The following FNIP1 variants were observed in gnomAD, a reference collection of about 807,000 sequenced individuals.
FNIP1 encodes folliculin-interacting protein 1.
Under a neutral mutation model 124.5 loss-of-function variants are expected in FNIP1, and 40 were observed. The ratio of observed to expected loss-of-function variants is 0.32; its 90% confidence interval spans 0.25 to 0.42. FNIP1 has a LOEUF of 0.42. Ranked by LOEUF, FNIP1 falls within the 10% of genes least tolerant of loss-of-function variation. The pLI, the probability that FNIP1 is intolerant of heterozygous loss-of-function variation, is 1.00. For synonymous variants in FNIP1, 472 were observed against 470.6 expected, an observed-to-expected ratio of 1.00 and a Z score of -0.04; for missense variants, 1,176 against 1,403.7, an observed-to-expected ratio of 0.84 and a Z score of 2.59.
intron 9 of FNIP1, among the ~76,000 whole-genome samples, chr5:131,705,481 T>G (rs1173143330): frequency 6.6e-6 from 1 of 151,210 alleles, no homozygotes; most frequent in Non-Finnish European, 1.5e-5. Flanking sequence ...AAGAAAAGAA[T>G]AGAAAAGATG....
chr5:131,684,609 T>A (rs1340800404), intron 11 of FNIP1, among the ~76,000 whole-genome samples: 1 of 152,190 alleles, frequency 6.6e-6, no homozygotes, highest in Non-Finnish European at 1.5e-5. Context: ...ATTCTAAGTC[T>A]AGGCCATTTG....
At chr5:131,746,091 A>T (rs1264233165) in intron 1 of FNIP1, among the ~76,000 whole-genome samples, 3 of 152,220 alleles carry the variant, frequency 2.0e-5, no homozygotes, top group Admixed American at 2.0e-4. Flanking sequence ...TATCCATTAC[A>T]TTCCACAATT....
chr5:131,745,236 C>T (rs954064249), intron 1 of FNIP1, among the ~76,000 whole-genome samples: 1 of 151,822 alleles, frequency 6.6e-6, no homozygotes, highest in Admixed American at 6.6e-5. Context: ...ACTGGCACAA[C>T]TCCTGGGTGT....
At chr5:131,728,059 T>C (rs1014451617) in intron 3 of FNIP1, among the ~76,000 whole-genome samples, 1 of 152,238 alleles carries the variant, frequency 6.6e-6, no homozygotes, top group African/African-American at 2.4e-5. Flanking sequence ...GTTAGTCTGA[T>C]GGACTTTCCT....
At chr5:131,678,828 TACAG>T (rs1163070122) in intron 12 of FNIP1, among the ~76,000 whole-genome samples, 197 bp downstream of exon 12, 1 of 152,214 alleles carries the variant, frequency 6.6e-6, no homozygotes, top group African/African-American at 2.4e-5. Flanking sequence ...ATTACATAAT[TACAG>T]ACATTTTCAC....
At chr5:131,655,388 T>A (rs1767162200) in intron 15 of FNIP1, among the ~76,000 whole-genome samples, 1 of 152,144 alleles carries the variant, frequency 6.6e-6, no homozygotes, top group South Asian at 2.1e-4. Context: ...ATTTTATCAT[T>A]TACTACTATA....
At chr5:131,729,184 G>C (rs1178983414) in intron 3 of FNIP1, among the ~76,000 whole-genome samples, 1 of 152,196 alleles carries the variant, frequency 6.6e-6, no homozygotes, top group African/African-American at 2.4e-5. Flanking sequence ...TGAGGAGGTA[G>C]TCTGTCCCTT....
chr5:131,697,335 G>T (rs1177972858), intron 11 of FNIP1, among the ~76,000 whole-genome samples: 1 of 152,084 alleles, frequency 6.6e-6, no homozygotes, highest in Non-Finnish European at 1.5e-5. Flanking sequence ...ATGTTGCCCA[G>T]GCTAGTCTCG....
At chr5:131,745,287 G>C (rs1001856254) in intron 1 of FNIP1, among the ~76,000 whole-genome samples, 1 of 152,108 alleles carries the variant, frequency 6.6e-6, no homozygotes, top group African/African-American at 2.4e-5. Context: ...GGGAGTTCAA[G>C]GTAGGAGGAT....
At chr5:131,693,015 T>A (rs1017233441) in intron 11 of FNIP1, among the ~76,000 whole-genome samples, 2 of 148,782 alleles carry the variant, frequency 1.3e-5, no homozygotes, top group Non-Finnish European at 1.5e-5. Flanking sequence ...AAAAAAAAAA[T>A]AAATTTAAAA....
At chr5:131,689,492 G>A (rs2149524197) in intron 11 of FNIP1, among the ~76,000 whole-genome samples, 1 of 152,240 alleles carries the variant, frequency 6.6e-6, no homozygotes, top group South Asian at 2.1e-4. Context: ...ATAGCTAATG[G>A]AAAATTAAAT....
At chr5:131,779,637 G>A (rs1388685741) in intron 1 of FNIP1, among the ~76,000 whole-genome samples, 2 of 147,702 alleles carry the variant, frequency 1.4e-5, no homozygotes, top group African/African-American at 2.5e-5. Context: ...GCAGTGAGCC[G>A]ATATCGCACC....
At chr5:131,732,432 A>T (rs1330822995) in intron 2 of FNIP1, among the ~76,000 whole-genome samples, 1 of 152,216 alleles carries the variant, frequency 6.6e-6, no homozygotes, top group East Asian at 1.9e-4. Context: ...GGTATTGCCT[A>T]GGTTTTCTTC....
intron 10 of FNIP1, among the ~76,000 whole-genome samples, chr5:131,702,165 G>A (rs1768923299): frequency 6.6e-6 from 1 of 152,178 alleles, no homozygotes; most frequent in South Asian, 2.1e-4. Context: ...CTTGAGAAAT[G>A]TGTATGTGAC....
Position 131,672,462 on chromosome 5 carries a change from A to G in FNIP1, c.1982T>C (p.Val661Ala). ...SPSDCQEENA[V>A]DVKQYRDKLR... ...TTTATCTCTGTACTGTTTAACATCA[A>G]CAGCATTTTCTTCTTGGCAGTCAGA... Residue 661 changes from valine (V) to alanine (A), a missense_variant, in exon 14 of 18, where the codon GTT (valine) becomes GCT (alanine). Val to Ala is a moderately conservative substitution (Grantham distance 64). Coordinates refer to ENST00000510461, the MANE Select transcript of FNIP1 (RefSeq NM_133372.3). The G allele has an allele frequency of 1.2e-6, 2 of 1,613,560 alleles. No homozygotes were observed. Among genetic ancestry groups the G allele is most frequent in the East Asian group, 2.2e-5 (1 of 44,888 alleles).
chr5:131,663,044 G>A (rs1476577368), intron 15 of FNIP1, among the ~76,000 whole-genome samples: 1 of 152,008 alleles, frequency 6.6e-6, no homozygotes, highest in Non-Finnish European at 1.5e-5. Flanking sequence ...CGGCTGGCCT[G>A]GGGATATTCT....
rs536789880 is a variant in FNIP1, at chr5:131,667,702, C to G, written c.3108+2761G>C. The stretch of plus-strand genomic sequence containing the variant: ...CTCCTGGATTCAAGTGATTCTCCTG[C>G]CTCAGCCTCCCAAGCAGCTGGGATT... On this transcript the variant is annotated intron_variant, in intron 15 of 17. Transcript: ENST00000510461. Among the ~76,000 whole-genome samples, 12 of 152,310 alleles carry G rather than the reference C, an allele frequency of 7.9e-5. No individual in the cohort carries two copies. The South Asian group carries it at 2.5e-3, about 32-fold the overall frequency.
intron 1 of FNIP1, among the ~76,000 whole-genome samples, chr5:131,757,485 T>C (rs1771086992): frequency 6.6e-6 from 1 of 152,096 alleles, no homozygotes; most frequent in Non-Finnish European, 1.5e-5. Context: ...ATCATAGGCC[T>C]CATAAAGAAC....
chr5:131,722,549 C>T (rs1381263503), intron 3 of FNIP1, among the ~76,000 whole-genome samples: 2 of 152,204 alleles, frequency 1.3e-5, no homozygotes, highest in African/African-American at 4.8e-5. Flanking sequence ...CTCTTTTACT[C>T]CTTTATCTCT....
Sources: allele counts gnomAD v4.1 joint callset (sites outside exome capture counted in the v4.1 genomes callset), GRCh38; gene constraint gnomAD v4.1.1; transcripts MANE v1.5; gene names NCBI Gene and HGNC (gene_info 2026-07-23, HGNC 2026-07-21).